NXN: variants seen among roughly 807,000 people sequenced by gnomAD.
NXN encodes the protein nucleoredoxin.
A neutral mutation model predicts 48.6 loss-of-function variants in NXN; 16 were observed. The observed-to-expected ratio is 0.33, with a 90% CI of 0.22 to 0.50. The LOEUF (loss-of-function observed/expected upper bound fraction) is 0.50. Ranked by LOEUF, NXN falls within the 20% of genes least tolerant of loss-of-function variation. The pLI is 0.98. For missense variants in NXN, 492 were observed against 605.5 expected (o/e 0.81, Z 1.97); for synonymous variants, 281 against 269.6 (o/e 1.04, Z -0.41).
At chr17:970,193 C>T (rs979763856) in intron 1 of NXN, among the ~76,000 whole-genome samples, 3 of 152,170 alleles carry the variant, frequency 2.0e-5, no homozygotes, top group East Asian at 1.9e-4. Context: ...TCCCGAGTAA[C>T]GGCACTGGGC....
chr17:841,522 CCCCCGACCATGGAGCATCTCACGCCG>C (rs1567827739), intron 1 of NXN, among the ~76,000 whole-genome samples: 79 of 112,276 alleles, frequency 7.0e-4, no homozygotes, highest in Non-Finnish European at 1.1e-3. Flanking sequence ...CGAGCAGGTC[CCCCCGACCATGGAGCATCTCACGCCG>C]GCGAGCAGGT....
intron 1 of NXN, among the ~76,000 whole-genome samples, chr17:897,789 C>T (rs2068502270): frequency 6.6e-6 from 1 of 152,216 alleles, no homozygotes; most frequent in African/African-American, 2.4e-5. Context: ...AGTTCTCCTG[C>T]CTCAGCCTCC....
intron 1 of NXN, among the ~76,000 whole-genome samples, chr17:828,860 T>G (rs896287527): frequency 6.6e-6 from 1 of 152,002 alleles, no homozygotes; most frequent in Non-Finnish European, 1.5e-5. Context: ...TTAATTTTTT[T>G]TAGAAAAGGA....
In NXN at chr17:917,161, C is replaced by G. The variant is rs533938509; in HGVS notation, c.360+62158G>C. Among the ~76,000 whole-genome samples, 14 of 145,300 alleles carry G rather than the reference C, an allele frequency of 9.6e-5. No homozygotes were observed. Among genetic ancestry groups the G allele is most frequent in the African/African-American group, 3.2e-4 (13 of 40,088 alleles). ...AGGTGTTCCACGCCTGAGCTCACAT[C>G]TTTTTTTTTTTTTTCTGTAGCCCAG... On this transcript the variant is annotated intron_variant, in intron 1 of 7. Transcript: ENST00000336868. The surrounding 1 kb of genome is among the most constrained non-coding windows in gnomAD (Gnocchi z 4.5).
chr17:819,129 T>G (rs1200074187), intron 5 of NXN: 1 of 361,200 alleles, frequency 2.8e-6, no homozygotes, highest in Non-Finnish European at 5.3e-6. Context: ...GTATTTTTAG[T>G]AGAGACCGGG....
At chr17:801,252 A>G in intron 7 of NXN, 121 bp from the exon 8 acceptor site, 3 of 641,976 alleles carry the variant, frequency 4.7e-6, no homozygotes, top group Non-Finnish European at 6.8e-6. Flanking sequence ...GCGTTTCCCA[A>G]GCAGAGGGCT....
At chr17:961,235 A>T (rs953317989) in intron 1 of NXN, among the ~76,000 whole-genome samples, 15 of 152,060 alleles carry the variant, frequency 9.9e-5, no homozygotes, top group African/African-American at 3.6e-4. Context: ...CTCTGCTAAA[A>T]ATACAAAAAT....
Position 812,059 on chromosome 17 carries a change from C to G in NXN, c.821-6812G>C, listed in dbSNP as rs113124183. ...TCTCCTGCCTCAGCCTCCCGAGTAG[C>G]TGGGACTACAGGCGCCCGTCACCAC... On this transcript the variant is annotated intron_variant, in intron 5 of 7. Coordinates refer to ENST00000336868, the MANE Select transcript of NXN (RefSeq NM_022463.5). Among the ~76,000 whole-genome samples, 13 of 151,050 alleles carry G rather than the reference C, an allele frequency of 8.6e-5. 2 individuals are homozygous for G. Among genetic ancestry groups the G allele is most frequent in the African/African-American group, 3.2e-4 (13 of 40,864 alleles).
chr17:938,814 C>G (rs927999757), intron 1 of NXN, among the ~76,000 whole-genome samples: 1 of 152,142 alleles, frequency 6.6e-6, no homozygotes, highest in African/African-American at 2.4e-5. Flanking sequence ...AATCCCAGCA[C>G]TTTGGTAGGC....
rs1567827537 is a variant in NXN at position 841,449 on chromosome 17, T to TCTCACACGGGCGAGCAGGTCCCCCC, written c.361-15372_361-15371insGGGGGGACCTGCTCGCCCGTGTGAG. ...TCTCACACGGGCGAGCAGGTCCCCCTGACCACGGCGCATCTCACACGGGCG... is the reference window on the plus strand; with the variant it reads ...TCTCACACGGGCGAGCAGGTCCCCCTCTCACACGGGCGAGCAGGTCCCCCCGACCACGGCGCATCTCACACGGGCG... On this transcript the variant is annotated intron_variant, in intron 1 of 7. Coordinates refer to ENST00000336868, the MANE Select transcript of NXN (RefSeq NM_022463.5). 2.3e-4 allele frequency among the ~76,000 whole-genome samples: 11 copies of TCTCACACGGGCGAGCAGGTCCCCCC among 47,012 alleles called. 2 individuals carry two copies. Among genetic ancestry groups the TCTCACACGGGCGAGCAGGTCCCCCC allele is most frequent in the Admixed American group, 3.9e-4 (2 of 5,152 alleles). 30.8% of individuals were successfully genotyped at this position (47,012 alleles called of 152,430 possible). A position where few individuals can be genotyped will look rare whatever the true frequency, so the allele number is the denominator to read the frequency against.
intron 1 of NXN, among the ~76,000 whole-genome samples, chr17:975,911 G>C (rs2586274): frequency 0.17 from 25,489 of 152,218 alleles, 3,567 homozygotes; most frequent in African/African-American, 0.38. Flanking sequence ...CTCTAGAAAT[G>C]TGAAAATCAT....
At chr17:916,178 C>T (rs2068687121) in intron 1 of NXN, among the ~76,000 whole-genome samples, 1 of 152,136 alleles carries the variant, frequency 6.6e-6, no homozygotes, top group Non-Finnish European at 1.5e-5. Flanking sequence ...TGCTAGAAAT[C>T]CTGGCACGTC....
chr17:828,347 A>T (rs1475899537), intron 1 of NXN, among the ~76,000 whole-genome samples: 1 of 135,970 alleles, frequency 7.4e-6, no homozygotes, highest in East Asian at 2.2e-4. Flanking sequence ...CAGGTGATCC[A>T]CCCACCTCGG....
In NXN at chr17:825,357, G is replaced by A. The variant is rs938864635; in HGVS notation, c.478+604C>T. On this transcript the variant is annotated intron_variant, in intron 2 of 7. Coordinates refer to ENST00000336868, the MANE Select transcript of NXN (RefSeq NM_022463.5). The surrounding 1 kb of genome is among the most constrained non-coding windows in gnomAD (Gnocchi z 4.1). ...CGGGGTTGAATCTTCTCACTGGACG[G>A]ATTAAGTGAGGGGAGGAGATCTCAC... Among the ~76,000 whole-genome samples the A allele has an allele frequency of 6.6e-6, 1 of 152,188 alleles. No homozygotes were observed. Among genetic ancestry groups the A allele is most frequent in the Non-Finnish European group, 1.5e-5 (1 of 68,032 alleles).
chr17:891,443 C>T (rs1428176804), intron 1 of NXN, among the ~76,000 whole-genome samples: 1 of 152,188 alleles, frequency 6.6e-6, no homozygotes, highest in African/African-American at 2.4e-5. Context: ...CCATATCTGC[C>T]TTTAATAAAA....
Position 927,727 on chromosome 17 carries a change from C to T in NXN, c.360+51592G>A, listed in dbSNP as rs117588866. Among the ~76,000 whole-genome samples, 55 of 152,050 alleles carry T rather than the reference C, an allele frequency of 3.6e-4. 1 individual carries two copies. The East Asian group carries it at 9.1e-3, about 25-fold the overall frequency. The stretch of plus-strand genomic sequence containing the variant: ...AGAAGGAGGCATACTCCGTGGGAGA[C>T]GGCATAACCAGCCAGACAGCACTGG... On this transcript the variant is annotated intron_variant, in intron 1 of 7. Transcript: ENST00000336868.
intron 1 of NXN, among the ~76,000 whole-genome samples, chr17:953,290 C>T (rs911212871): frequency 9.2e-5 from 14 of 152,158 alleles, no homozygotes; most frequent in Non-Finnish European, 1.8e-4. Context: ...TGGCTCACGC[C>T]TGTAATCCCA....
intron 5 of NXN, among the ~76,000 whole-genome samples, chr17:816,127 T>C (rs537674684): frequency 6.6e-5 from 10 of 152,308 alleles, no homozygotes; most frequent in African/African-American, 2.4e-4. Context: ...GCATCTCACC[T>C]GTAGCCCCTC....
chr17:937,619 C>G (rs1364422588), intron 1 of NXN, among the ~76,000 whole-genome samples: 1 of 152,196 alleles, frequency 6.6e-6, no homozygotes, highest in Admixed American at 6.5e-5. Context: ...GGTCCCCCCA[C>G]CGCCCTCCCC....
Sources: gnomAD v4.1 joint callset for allele counts (sites outside exome capture counted in the v4.1 genomes callset) on GRCh38, gnomAD v4.1.1 for gene constraint, Gnocchi (gnomAD v3.1) non-coding constraint, MANE v1.5 for transcripts, NCBI Gene and HGNC (gene_info 2026-07-23, HGNC 2026-07-21) for gene names.